The following SCMH1 variants were observed in gnomAD, a reference collection of about 807,000 sequenced individuals.
SCMH1 encodes the protein polycomb protein SCMH1.
A neutral mutation model predicts 70.8 loss-of-function variants in SCMH1; 37 were observed. That is an observed-to-expected ratio of 0.52 (90% CI 0.40 to 0.69). The LOEUF is 0.69. Ranked by LOEUF, SCMH1 falls within the 30% of genes least tolerant of loss-of-function variation. The pLI, the probability that SCMH1 is intolerant of heterozygous loss-of-function variation, is 0.00. For missense variants in SCMH1, 607 were observed against 827.3 expected (o/e 0.73, Z 3.27); for synonymous variants, 292 against 307.4 (o/e 0.95, Z 0.52).
intron 1 of SCMH1, among the ~76,000 whole-genome samples, chr1:41,188,311 G>A (rs1650800042): frequency 6.6e-6 from 1 of 152,178 alleles, no homozygotes; most frequent in African/African-American, 2.4e-5. Flanking sequence ...TGTATTTTTA[G>A]TAGAGATGGG....
At chr1:41,196,490 G>C (rs1289030938) in intron 1 of SCMH1, among the ~76,000 whole-genome samples, 1 of 152,112 alleles carries the variant, frequency 6.6e-6, no homozygotes, top group Non-Finnish European at 1.5e-5. Flanking sequence ...TGAATATCCA[G>C]ATGCAGGAGA....
intron 2 of SCMH1, among the ~76,000 whole-genome samples, chr1:41,180,115 A>G (rs1291615598): frequency 1.3e-5 from 2 of 152,230 alleles, no homozygotes; most frequent in East Asian, 3.8e-4. Context: ...GACAAAAACC[A>G]TATGATTATC....
chr1:41,068,696 A>G (rs1655505654), intron 10 of SCMH1, among the ~76,000 whole-genome samples: 1 of 152,202 alleles, frequency 6.6e-6, no homozygotes, highest in Admixed American at 6.5e-5. Context: ...GTGAGCCACC[A>G]TGCTCAGCTC....
At chr1:41,145,784 C>G (rs1644496922) in intron 5 of SCMH1, among the ~76,000 whole-genome samples, 1 of 152,108 alleles carries the variant, frequency 6.6e-6, no homozygotes, top group African/African-American at 2.4e-5. Context: ...AGTTATAATG[C>G]AGCTGTCTTA....
intron 1 of SCMH1, among the ~76,000 whole-genome samples, chr1:41,192,502 AC>A (rs1651957866): frequency 5.9e-5 from 9 of 151,466 alleles, no homozygotes; most frequent in African/African-American, 2.2e-4. Context: ...GGAGACACAC[AC>A]ACACACACAC....
chr1:41,125,525 T>G (rs1012147333), intron 6 of SCMH1, among the ~76,000 whole-genome samples: 1 of 151,270 alleles, frequency 6.6e-6, no homozygotes, highest in East Asian at 2.0e-4. Flanking sequence ...CCTCATTCCT[T>G]CTATATTTAT....
chr1:41,041,727 T>A (rs909008411), intron 12 of SCMH1, among the ~76,000 whole-genome samples: 11 of 152,154 alleles, frequency 7.2e-5, no homozygotes, highest in Non-Finnish European at 1.6e-4. Context: ...ATCTTGGGAT[T>A]TGGGCAGGAG....
intron 6 of SCMH1, among the ~76,000 whole-genome samples, chr1:41,129,670 T>C (rs1383302204): frequency 6.6e-6 from 1 of 152,210 alleles, no homozygotes; most frequent in African/African-American, 2.4e-5. Flanking sequence ...CTTCTACCTT[T>C]TGGCTATTGT....
chr1:41,176,418 C>T (rs971872335), intron 2 of SCMH1, among the ~76,000 whole-genome samples: 7 of 152,184 alleles, frequency 4.6e-5, no homozygotes, highest in African/African-American at 1.7e-4. Flanking sequence ...ACAGTGGGTG[C>T]AGCGCACTGA....
At chr1:41,146,540 A>G (rs1644588215) in intron 5 of SCMH1, among the ~76,000 whole-genome samples, 1 of 150,224 alleles carries the variant, frequency 6.7e-6, no homozygotes, top group African/African-American at 2.5e-5. Flanking sequence ...TACCTTTTAT[A>G]CCATATTTTT....
At chr1:41,037,698 G>T (rs1645502779) in intron 12 of SCMH1, among the ~76,000 whole-genome samples, 157 bp from the exon 13 acceptor site, 1 of 152,218 alleles carries the variant, frequency 6.6e-6, no homozygotes, top group African/African-American at 2.4e-5. Context: ...CTGTCATGAG[G>T]TGACCTTAGT....
chr1:41,052,196 C>T (rs574850671), intron 10 of SCMH1, among the ~76,000 whole-genome samples: 1 of 152,292 alleles, frequency 6.6e-6, no homozygotes, highest in South Asian at 2.1e-4. Flanking sequence ...GGTCCCCAAC[C>T]CCCAGGCTGA....
chr1:41,095,543 A>T (rs1364097512), intron 8 of SCMH1, among the ~76,000 whole-genome samples: 1 of 152,210 alleles, frequency 6.6e-6, no homozygotes, highest in Admixed American at 6.5e-5. Context: ...CTGGTATATG[A>T]CAGTGCTGAC....
chr1:41,232,360 G>A (rs1661468095), intron 1 of SCMH1, among the ~76,000 whole-genome samples: 1 of 152,188 alleles, frequency 6.6e-6, no homozygotes, highest in Non-Finnish European at 1.5e-5. Flanking sequence ...ACTTTGATTT[G>A]CTAAACCATT....
At chr1:41,037,401 G>T (rs1311559920) in exon 13 of SCMH1, 1 of 1,614,218 alleles carries the variant, frequency 6.2e-7, no homozygotes, top group Admixed American at 1.7e-5. Flanking sequence ...GCAGTGCTTG[G>T]TGGGAGGCCA....
intron 8 of SCMH1, among the ~76,000 whole-genome samples, chr1:41,087,937 G>GGTGGGTGTGTGTGTGTGTGT (rs146410110): frequency 7.2e-6 from 1 of 139,844 alleles, no homozygotes; most frequent in East Asian, 2.1e-4. Flanking sequence ...TATAGTTTCT[G>GGTGGGTGTGTGTGTGTGTGT]GTGTGTGTGT....
chr1:41,096,832 A>G (rs1665211837), intron 8 of SCMH1, among the ~76,000 whole-genome samples: 1 of 152,168 alleles, frequency 6.6e-6, no homozygotes, highest in African/African-American at 2.4e-5. Context: ...AATTAGTATG[A>G]AACAATCCTA....
rs551026774 is a variant in SCMH1, at chr1:41,158,689, C to T, written c.106+2186G>A. ...TTACTGAGAAGAGGAAGTCTTCAAG[C>T]GTTTGGGGTGAAGTCATTCTGGCTG... On this transcript the variant is annotated intron_variant, in intron 4 of 14. Coordinates refer to ENST00000337495, the Ensembl canonical transcript of SCMH1. 3.9e-5 allele frequency among the ~76,000 whole-genome samples: 6 copies of T among 152,116 alleles called. No homozygotes were observed. In the East Asian group the frequency reaches 7.7e-4, roughly 20 times the overall value.
chr1:41,066,358 T>C (rs536912394), intron 10 of SCMH1, among the ~76,000 whole-genome samples: 1 of 152,302 alleles, frequency 6.6e-6, no homozygotes, highest in Admixed American at 6.5e-5. Context: ...TTGCTTACCC[T>C]TGGGAAGTCA....
Sources: allele counts gnomAD v4.1 joint callset (sites outside exome capture counted in the v4.1 genomes callset), GRCh38; gene constraint gnomAD v4.1.1; transcripts MANE v1.5; gene names NCBI Gene and HGNC (gene_info 2026-07-23, HGNC 2026-07-21).